Variants in VEPH1 observed in about 807,000 individuals in gnomAD.
VEPH1 encodes the protein ventricular zone-expressed PH domain-containing protein homolog 1.
Under a neutral mutation model 85.2 loss-of-function variants are expected in VEPH1, and 80 were observed. The ratio of observed to expected loss-of-function variants is 0.94; its 90% confidence interval spans 0.78 to 1.13. The LOEUF (loss-of-function observed/expected upper bound fraction) is 1.13. Ranked by LOEUF, VEPH1 falls within the 50% of genes most tolerant of loss-of-function variation. The probability of loss-of-function intolerance (pLI) is 0.00; values close to 1 mark genes in which losing one functional copy is unlikely to be tolerated. For missense variants in VEPH1, 955 were observed against 980.5 expected, an observed-to-expected ratio of 0.97 and a Z score of 0.35; for synonymous variants, 297 against 348.0, an observed-to-expected ratio of 0.85 and a Z score of 1.63.
intron 11 of VEPH1, among the ~76,000 whole-genome samples, chr3:157,304,023 T>TATATATATATATATATATATATATA (rs1553761055): frequency 1.0e-4 from 9 of 89,110 alleles, no homozygotes; most frequent in South Asian, 4.2e-4. Flanking sequence ...CTTATATTTT[T>TATATATATATATATATATATATATA]TATATATATA....
chr3:157,270,979 A>G (rs1220740050), intron 12 of VEPH1, among the ~76,000 whole-genome samples: 1 of 152,162 alleles, frequency 6.6e-6, no homozygotes, highest in Admixed American at 6.5e-5. Flanking sequence ...GAGTGCAGAA[A>G]AGGATCAGAT....
chr3:157,372,870 C>CTTCTTATT (rs1404027103), intron 7 of VEPH1, among the ~76,000 whole-genome samples: 1 of 152,172 alleles, frequency 6.6e-6, no homozygotes, highest in African/African-American at 2.4e-5. Flanking sequence ...AAAGTTCTAA[C>CTTCTTATT]TTCTTATTTT....
At chr3:157,459,101 C>G (rs1735613880) in intron 4 of VEPH1, among the ~76,000 whole-genome samples, 1 of 152,224 alleles carries the variant, frequency 6.6e-6, no homozygotes, top group South Asian at 2.1e-4. Flanking sequence ...GGCTGCCACA[C>G]TGAATTACTG....
At chr3:157,426,092 C>A (rs1248983827) in intron 5 of VEPH1, among the ~76,000 whole-genome samples, 1 of 152,296 alleles carries the variant, frequency 6.6e-6, no homozygotes, top group Non-Finnish European at 1.5e-5. Flanking sequence ...GAGGCCTCCC[C>A]AGCCATGTGG....
At chr3:157,401,884 A>T (rs138295203) in intron 6 of VEPH1, among the ~76,000 whole-genome samples, 2 of 152,304 alleles carry the variant, frequency 1.3e-5, no homozygotes, top group East Asian at 3.9e-4. Flanking sequence ...CCTAGTTAGG[A>T]TGTCTGCAGA....
intron 9 of VEPH1, among the ~76,000 whole-genome samples, chr3:157,362,231 A>G (rs1437746206): frequency 6.6e-6 from 1 of 151,890 alleles, no homozygotes; most frequent in Non-Finnish European, 1.5e-5. Context: ...GGGTTTCACC[A>G]TGTTGGCCAG....
In VEPH1 at chr3:157,315,519, C is replaced by T. The variant is rs192309937; in HGVS notation, c.1875+1543G>A. Among the ~76,000 whole-genome samples, 15 of 151,950 alleles carry T rather than the reference C, an allele frequency of 9.9e-5. No individual in the cohort carries two copies. The South Asian group carries it at 2.1e-3, about 21-fold the overall frequency. On this transcript the variant is annotated intron_variant, in intron 10 of 13. Coordinates refer to ENST00000362010, the MANE Select transcript of VEPH1 (RefSeq NM_001167912.2). ...ATAAATATATGTAGTTGACAGAAAA[C>T]GGAAAGAATTTGGCCCAATGCACAA...
chr3:157,461,802 A>G (rs1735900289), intron 3 of VEPH1, among the ~76,000 whole-genome samples: 1 of 152,080 alleles, frequency 6.6e-6, no homozygotes, highest in Non-Finnish European at 1.5e-5. Flanking sequence ...TCTAAAGGTG[A>G]AAAATAAAAC....
At chr3:157,465,375 A>AGATAAT (rs1736267189) in intron 3 of VEPH1, among the ~76,000 whole-genome samples, 1 of 152,208 alleles carries the variant, frequency 6.6e-6, no homozygotes, top group Non-Finnish European at 1.5e-5. Flanking sequence ...AGTCTCCTGC[A>AGATAAT]GATAATGATA....
chr3:157,445,424 C>A (rs1159156288), intron 4 of VEPH1, among the ~76,000 whole-genome samples: 4 of 152,052 alleles, frequency 2.6e-5, no homozygotes, highest in Admixed American at 1.3e-4. Flanking sequence ...AGATCGAGAC[C>A]ATCCTGGCCA....
At chr3:157,305,628 T>G (rs1719428930) in intron 11 of VEPH1, among the ~76,000 whole-genome samples, 1 of 152,216 alleles carries the variant, frequency 6.6e-6, no homozygotes, top group South Asian at 2.1e-4. Flanking sequence ...AATCACTGTG[T>G]GAAAGGATAT....
At chr3:157,370,364 A>G (rs1047407326) in intron 7 of VEPH1, among the ~76,000 whole-genome samples, 2 of 152,198 alleles carry the variant, frequency 1.3e-5, no homozygotes, top group Admixed American at 1.3e-4. Context: ...ATCTTGGCCT[A>G]CAATTCCATG....
Position 157,495,496 on chromosome 3 carries a change from A to T in VEPH1, c.-147T>A. On this transcript the variant is annotated 5_prime_UTR_variant, in exon 2 of 14. It removes an upstream start codon present in the reference 5' UTR. Coordinates refer to ENST00000362010, the MANE Select transcript of VEPH1 (RefSeq NM_001167912.2). ...TTTTTCTCCAGACTTTGAGGTCTTC[A>T]TTGACACTCTCTGCAAGGGAAACAA... The T allele has an allele frequency of 6.7e-7, 1 of 1,483,490 alleles. No homozygotes were observed. The highest frequency in any genetic ancestry group is 2.4e-5 in the Admixed American group (1 of 41,250). 91.9% of individuals were successfully genotyped at this position (1,483,490 alleles called of 1,614,324 possible).
intron 10 of VEPH1, 67 bp downstream of exon 10, chr3:157,316,995 A>C: frequency 1.3e-6 from 2 of 1,490,506 alleles, no homozygotes; most frequent in Non-Finnish European, 9.0e-7. Flanking sequence ...ATAATTCAAT[A>C]AAAATGATTA....
intron 2 of VEPH1, among the ~76,000 whole-genome samples, chr3:157,482,537 T>G (rs1738215890): frequency 6.6e-6 from 1 of 152,206 alleles, no homozygotes; most frequent in Non-Finnish European, 1.5e-5. Flanking sequence ...GTTGATAGTT[T>G]GATAGGAATT....
intron 2 of VEPH1, among the ~76,000 whole-genome samples, chr3:157,482,657 C>A (rs2109616218): frequency 6.6e-6 from 1 of 152,288 alleles, no homozygotes; most frequent in East Asian, 1.9e-4. Context: ...TCTGTGATTT[C>A]TTTCAGTAGT....
At chr3:157,384,473 A>C (rs921117167) in intron 6 of VEPH1, among the ~76,000 whole-genome samples, 11 of 152,220 alleles carry the variant, frequency 7.2e-5, no homozygotes, top group African/African-American at 2.4e-4. Context: ...TCATTTGCTT[A>C]TGCAATAAGT....
chr3:157,454,743 T>A (rs568784787), intron 4 of VEPH1, among the ~76,000 whole-genome samples: 1 of 152,138 alleles, frequency 6.6e-6, no homozygotes, highest in Non-Finnish European at 1.5e-5. Context: ...AGTTTTTCTA[T>A]CCTTGTCCCT....
At position 157,418,937 on chromosome 3, in the gene VEPH1, G is replaced by A. The variant is rs191258510; in HGVS notation, c.697-4847C>T. Among the ~76,000 whole-genome samples the A allele has an allele frequency of 1.2e-4, 19 of 152,060 alleles. No individual in the cohort carries two copies. The East Asian group carries it at 3.7e-3, about 29-fold the overall frequency. On this transcript the variant is annotated intron_variant, in intron 5 of 13. Transcript: ENST00000362010. ...ACTACCCAACTTCATACTAAACTAC[G>A]AGGCTACAGTAACCAAAACGGCAGA...
Sources: allele counts gnomAD v4.1 joint callset (sites outside exome capture counted in the v4.1 genomes callset), GRCh38; gene constraint gnomAD v4.1.1; transcripts MANE v1.5; gene names NCBI Gene and HGNC (gene_info 2026-07-23, HGNC 2026-07-21).